The following CDK13 variants were observed in gnomAD, a reference collection of about 807,000 sequenced individuals.
The protein encoded by CDK13 is cyclin dependent kinase 13.
In CDK13, 40 loss-of-function variants were observed where a neutral mutation model predicts 137.6. The ratio of observed to expected loss-of-function variants is 0.29; its 90% CI spans 0.23 to 0.38. The LOEUF (loss-of-function observed/expected upper bound fraction) is 0.38, where lower values mean the gene tolerates loss of function less well. Among genes scored for constraint, CDK13 ranks in the 10% least tolerant of loss-of-function variants. The pLI is 1.00. For synonymous variants in CDK13, 869 were observed against 760.1 expected (o/e 1.14, Z -2.36); for missense variants, 1,704 against 1,951.8 (o/e 0.87, Z 2.39).
chr7:40,007,574 C>T (rs569477528), intron 5 of CDK13, among the ~76,000 whole-genome samples: 8 of 152,082 alleles, frequency 5.3e-5, no homozygotes, highest in South Asian at 2.1e-4. Flanking sequence ...TACAGATGTC[C>T]GCCACCACAC....
At chr7:40,053,605 T>C (rs938977734) in intron 7 of CDK13, among the ~76,000 whole-genome samples, 1 of 152,182 alleles carries the variant, frequency 6.6e-6, no homozygotes. Flanking sequence ...TTTTTTTCTT[T>C]CAGTGTGCAA....
intron 7 of CDK13, chr7:40,061,398 T>C (rs1201328207): frequency 6.6e-6 from 1 of 152,226 alleles, no homozygotes; most frequent in Admixed American, 6.5e-5. Flanking sequence ...TTGATAGTTT[T>C]ATAATGCTAG....
Position 39,988,197 on chromosome 7 carries a change from ACCT to A in CDK13, c.1812_1814del (p.Ser605del). 1 of 1,614,036 alleles carries A rather than the reference ACCT, an allele frequency of 6.2e-7. No homozygotes were observed. The highest frequency in any genetic ancestry group is 1.1e-5 in the South Asian group (1 of 91,036). On this transcript the variant is annotated inframe_deletion, in exon 2 of 14. Coordinates refer to ENST00000181839, the MANE Select transcript of CDK13 (RefSeq NM_003718.5). ...GAAGGAGCAACATGTAGCTTTAGTC[ACCT>A]CTACATTACCACCGTTACCTTTGCC...
intron 1 of CDK13, chr7:39,984,288 G>A (rs971636448): frequency 6.6e-6 from 1 of 151,998 alleles, no homozygotes; most frequent in African/African-American, 2.4e-5. Flanking sequence ...GCGCACACCT[G>A]TTGTCCCAGC....
chr7:40,062,798 TCTAA>T (rs1216568244), intron 7 of CDK13, 24 bp from the exon 8 acceptor site: 1 of 1,462,874 alleles, frequency 6.8e-7, no homozygotes, highest in African/African-American at 1.4e-5. Flanking sequence ...AAATACTAAC[TCTAA>T]AGACTGTTTT....
At chr7:40,036,866 A>G (rs1023672278) in intron 5 of CDK13, among the ~76,000 whole-genome samples, 5 of 152,206 alleles carry the variant, frequency 3.3e-5, no homozygotes, top group Non-Finnish European at 7.3e-5. Flanking sequence ...CCATAATTTT[A>G]TGTCATCTAA....
Position 39,951,844 on chromosome 7 carries a change from T to C in CDK13, c.1203T>C (p.Pro401=), listed in dbSNP as rs746153162. 7.2e-7 allele frequency: 1 copy of C among 1,391,664 alleles called. No homozygotes were observed. The highest frequency in any genetic ancestry group is 9.3e-7 in the Non-Finnish European group (1 of 1,074,458). 86.2% of individuals were successfully genotyped at this position (1,391,664 alleles called of 1,614,324 possible). A position where few individuals can be genotyped will look rare whatever the true frequency, so the allele number is the denominator to read the frequency against. ...SWRRSRSPYS[P]VLRRSGKSRS... ...GCCGCTCTCGCAGTCCCTACAGCCC[T>C]GTGCTCAGGTGAGTTCTGCCGTTCT... Residue 401 remains proline, a synonymous_variant, in exon 1 of 14, where the codon CCT becomes CCC. Transcript: ENST00000181839.
chr7:40,044,063 G>A (rs1040367523), intron 5 of CDK13, among the ~76,000 whole-genome samples: 5 of 151,260 alleles, frequency 3.3e-5, no homozygotes, highest in African/African-American at 1.2e-4. Context: ...TGCCTGGCTA[G>A]TTTTTGTATT....
intron 9 of CDK13, chr7:40,073,577 T>C (rs1161682700): frequency 6.8e-6 from 1 of 146,570 alleles, no homozygotes; most frequent in Admixed American, 7.1e-5. Context: ...TTTCTTTCTT[T>C]TTCTTTTTCT....
At position 40,092,986 on chromosome 7, in the gene CDK13, C is replaced by T. The variant is rs2150547360; in HGVS notation, c.3437C>T (p.Ser1146Leu). The change falls in exon 13 of 14, where the codon TCA becomes TTA. Residue 1146 changes from serine (S) to leucine (L), a missense_variant. Ser to Leu is a moderately radical substitution (Grantham distance 145). This residue lies in a region of CDK13 where 475 missense variants were observed against 579.3 expected (regional missense o/e 0.82). Coordinates refer to ENST00000181839, the MANE Select transcript of CDK13 (RefSeq NM_003718.5). ...ACAGGTGAAAAACAGACAGATCCAT[C>T]AACACCACAACAGGAGTCTTCGAAA... ...LATGEKQTDP[S>L]TPQQESSKPL... 2 of 1,614,194 alleles carry T rather than the reference C, an allele frequency of 1.2e-6. No homozygotes were observed. The highest frequency in any genetic ancestry group is 4.5e-5 in the East Asian group (2 of 44,884).
rs745898471 is a variant in CDK13, at chr7:39,997,630, A to G, written c.2008A>G (p.Thr670Ala). ...DLSKSPEEKK[T>A]ATQLHSKRRP... Reference sequence around the variant, plus strand: ...TTCAAAGAGTCCAGAGGAAAAGAAAACAGCAACACAGTTACATAGTAAAAG... The same window carrying G: ...TTCAAAGAGTCCAGAGGAAAAGAAAGCAGCAACACAGTTACATAGTAAAAG... Residue 670 changes from threonine to alanine, a missense_variant, in exon 3 of 14, where the codon ACA (threonine) becomes GCA (alanine). Around this residue, in one of 5 missense-constraint regions of CDK13, gnomAD observed 1,051 missense variants for 931.0 expected, o/e 1.13. Transcript: ENST00000181839. 4 of 1,613,736 alleles carry G rather than the reference A, an allele frequency of 2.5e-6. No homozygotes were observed. The African/African-American group carries it at 4.0e-5, about 16-fold the overall frequency.
chr7:40,002,128 C>A, intron 5 of CDK13, 97 bp downstream of exon 5: 1 of 724,452 alleles, frequency 1.4e-6, no homozygotes, highest in Non-Finnish European at 2.3e-6. Context: ...TGAGTAATTA[C>A]AAACTATTGC....
In CDK13 at chr7:40,063,057, A is replaced by G. The variant is rs368244089; in HGVS notation, c.2737A>G (p.Ile913Val). The G allele has an allele frequency of 1.9e-5, 30 of 1,613,822 alleles. No homozygotes were observed. The African/African-American group carries it at 2.7e-4, about 14-fold the overall frequency. ...ILGELFTKKP[I>V]FQANQELAQL... Reference sequence around the variant, plus strand: ...TGGCGAACTCTTCACTAAAAAACCTATATTTCAAGCAAATCAGGAACTTGC... The same window carrying G: ...TGGCGAACTCTTCACTAAAAAACCTGTATTTCAAGCAAATCAGGAACTTGC... Residue 913 changes from isoleucine to valine, a missense_variant, in exon 9 of 14, where the codon ATA (isoleucine) becomes GTA (valine). Ile to Val is a conservative substitution (Grantham distance 29). This residue lies in a region of CDK13 where 130 missense variants were observed against 362.4 expected (regional missense o/e 0.36). Transcript: ENST00000181839.
intron 3 of CDK13, chr7:39,998,442 C>CAAAAAAAAAAA (rs1784609425): frequency 2.8e-5 from 2 of 72,628 alleles, no homozygotes; most frequent in African/African-American, 7.5e-5. Flanking sequence ...CCCATCTCTA[C>CAAAAAAAAAAA]CAAAAAAAAA....
rs984166515 is a variant in CDK13, at chr7:40,099,448, C to G, written c.*4468C>G. 6.6e-6 allele frequency: 1 copy of G among 152,172 alleles called. No individual in the cohort carries two copies. Among genetic ancestry groups the G allele is most frequent in the African/African-American group, 2.4e-5 (1 of 41,450 alleles). The allele number at this position is 152,172 out of a possible 1,614,324, so 9.4% of individuals were successfully genotyped here. A position where few individuals can be genotyped will look rare whatever the true frequency, so the allele number is the denominator to read the frequency against. Reference sequence around the variant, plus strand: ...TTAATTTGTTTAAAAGTGTTGTACTCTCTTGCAAGAACGTTTAAAAGTTAA... The same window carrying G: ...TTAATTTGTTTAAAAGTGTTGTACTGTCTTGCAAGAACGTTTAAAAGTTAA... On this transcript the variant is annotated 3_prime_UTR_variant, in exon 14 of 14. Coordinates refer to ENST00000181839, the MANE Select transcript of CDK13 (RefSeq NM_003718.5).
At chr7:40,048,099 A>G in intron 7 of CDK13, 1 of 362,234 alleles carries the variant, frequency 2.8e-6, no homozygotes, top group Non-Finnish European at 4.9e-6. Context: ...GGTAAAAATG[A>G]TTTTTTTAAA....
chr7:39,996,971 A>AAAAAAAAAAAAAAAAAAAAAAAG (rs1562719340), intron 2 of CDK13, among the ~76,000 whole-genome samples: 1 of 146,664 alleles, frequency 6.8e-6, no homozygotes, highest in African/African-American at 2.6e-5. Context: ...CAAAAAAAAA[A>AAAAAAAAAAAAAAAAAAAAAAAG]AAAAAGAAAA....
Position 40,094,620 on chromosome 7 carries a change from T to G in CDK13, c.4179T>G (p.Pro1393=), listed in dbSNP as rs1787004834. Residue 1393 remains proline, a synonymous_variant, in exon 14 of 14, where the codon CCT becomes CCG. Coordinates refer to ENST00000181839, the MANE Select transcript of CDK13 (RefSeq NM_003718.5). ...CTCATTCTGGTGGTCCACCTCAGCC[T>G]TCTGCCTTTTCTGAGTCATTTCCCA... ...ASSHSGGPPQ[P]SAFSESFPSS... 1 of 1,614,102 alleles carries G rather than the reference T, an allele frequency of 6.2e-7. No homozygotes were observed. The highest frequency in any genetic ancestry group is 1.7e-5 in the Admixed American group (1 of 60,008).
chr7:39,951,489 C>G lies in CDK13; in HGVS notation c.848C>G (p.Thr283Ser), dbSNP rs768492205. ...DRDSKAHRSR[T>S]KSSKEPPSAY... ...GACTCGAAGGCCCACCGCAGCCGGACTAAGTCGTCCAAGGAGCCGCCTTCG... is the reference window on the plus strand; with the variant it reads ...GACTCGAAGGCCCACCGCAGCCGGAGTAAGTCGTCCAAGGAGCCGCCTTCG... Residue 283 changes from threonine to serine, a missense_variant, in exon 1 of 14, where the codon ACT (threonine) becomes AGT (serine). Physicochemically the swap from Thr to Ser is moderately conservative, Grantham distance 58 (BLOSUM62 1). This residue lies in a region of CDK13 where 1,051 missense variants were observed against 931.0 expected (regional missense o/e 1.13). Transcript: ENST00000181839. 6.5e-7 allele frequency: 1 copy of G among 1,537,612 alleles called. No homozygotes were observed. Among genetic ancestry groups the G allele is most frequent in the Non-Finnish European group, 8.7e-7 (1 of 1,143,122 alleles).
Sources: gnomAD v4.1 joint callset for allele counts (sites outside exome capture counted in the v4.1 genomes callset) on GRCh38, gnomAD v4.1.1 for gene constraint, gnomAD v4.1.1 regional missense constraint, MANE v1.5 for transcripts, NCBI Gene and HGNC (gene_info 2026-07-23, HGNC 2026-07-21) for gene names.